The following FGF12 variants were observed in gnomAD, a reference collection of about 807,000 sequenced individuals.
FGF12 encodes the protein fibroblast growth factor 12, also known as fibroblast growth factor 12B.
In FGF12, 14 loss-of-function variants were observed where a neutral mutation model predicts 23.6. The observed-to-expected ratio is 0.59, with a 90% CI of 0.39 to 0.93. The LOEUF (loss-of-function observed/expected upper bound fraction) is 0.93. FGF12 is among the 40% of genes least tolerant of loss of function. The pLI, the probability that FGF12 is intolerant of heterozygous loss-of-function variation, is 0.00. For synonymous variants in FGF12, 62 were observed against 77.3 expected, an observed-to-expected ratio of 0.80 and a Z score of 1.04; for missense variants, 175 against 217.8, an observed-to-expected ratio of 0.80 and a Z score of 1.24.
intron 2 of FGF12, among the ~76,000 whole-genome samples, chr3:192,450,032 G>A (rs988689731): frequency 6.6e-6 from 1 of 152,082 alleles, no homozygotes; most frequent in Admixed American, 6.5e-5. Context: ...ATTACTGTGA[G>A]GTTTCTGTCT....
intron 2 of FGF12, among the ~76,000 whole-genome samples, chr3:192,518,975 A>T (rs551113375): frequency 6.6e-6 from 1 of 151,362 alleles, no homozygotes; most frequent in Non-Finnish European, 1.5e-5. Context: ...CTTTTTTATC[A>T]TAAGTTTCCA....
rs1029815212 is a variant in FGF12 at position 192,151,222 on chromosome 3, A to C, written c.428-7095T>G. Among the ~76,000 whole-genome samples, 3 of 115,768 alleles carry C rather than the reference A, an allele frequency of 2.6e-5. 1 individual carries two copies. The highest frequency in any genetic ancestry group is 5.6e-5 in the Non-Finnish European group (3 of 53,172). The allele number at this position is 115,768 out of a possible 152,430, so 75.9% of individuals were successfully genotyped here. ...CAGCTTAAGGAGATTTTGGGCTGAGACAATGGGGTTTTCTAGACATACAAT... is the reference window on the plus strand; with the variant it reads ...CAGCTTAAGGAGATTTTGGGCTGAGCCAATGGGGTTTTCTAGACATACAAT... On this transcript the variant is annotated intron_variant, in intron 5 of 5. Transcript: ENST00000445105.
At chr3:192,714,068 T>C (rs1369761005) in intron 2 of FGF12, among the ~76,000 whole-genome samples, 1 of 152,124 alleles carries the variant, frequency 6.6e-6, no homozygotes, top group African/African-American at 2.4e-5. Context: ...CTACATTTTA[T>C]TGAATGCTTA....
At chr3:192,616,360 C>G (rs1714754489) in intron 2 of FGF12, among the ~76,000 whole-genome samples, 2 of 151,978 alleles carry the variant, frequency 1.3e-5, no homozygotes, top group African/African-American at 4.8e-5. Flanking sequence ...GCCTATGAAT[C>G]TAAGTTAGTT....
chr3:192,203,885 T>A (rs994154977), intron 4 of FGF12, among the ~76,000 whole-genome samples: 5 of 152,182 alleles, frequency 3.3e-5, no homozygotes, highest in Non-Finnish European at 7.3e-5. Context: ...ATTATAGGCA[T>A]GCATCACCAT....
chr3:192,639,886 C>T (rs1184314550), intron 2 of FGF12, among the ~76,000 whole-genome samples: 1 of 151,942 alleles, frequency 6.6e-6, no homozygotes, highest in Non-Finnish European at 1.5e-5. Flanking sequence ...AAGTGTTATT[C>T]AGCCTTAGAA....
rs1396299359 is a variant in FGF12, at chr3:192,141,127, C to CAAAAAAAAAAAAAAAAAA, written c.*2881_*2882insTTTTTTTTTTTTTTTTTT. 3.8e-3 allele frequency: 83 copies of CAAAAAAAAAAAAAAAAAA among 21,848 alleles called. 12 individuals are homozygous for CAAAAAAAAAAAAAAAAAA. The highest frequency in any genetic ancestry group is 4.8e-3 in the Non-Finnish European group (63 of 13,028). 1.4% of individuals were successfully genotyped at this position (21,848 alleles called of 1,614,324 possible). A position where few individuals can be genotyped will look rare whatever the true frequency, so the allele number is the denominator to read the frequency against. On this transcript the variant is annotated 3_prime_UTR_variant, in exon 6 of 6. Coordinates refer to ENST00000445105, the MANE Select transcript of FGF12 (RefSeq NM_004113.6). Reference sequence around the variant, plus strand: ...TCCTGGGAAAAATCCCAATGCAACTCCAAAAAAAAAAAAAAAAAAAAAAAA... The same window carrying CAAAAAAAAAAAAAAAAAA: ...TCCTGGGAAAAATCCCAATGCAACTCAAAAAAAAAAAAAAAAAACAAAAAAAAAAAAAAAAAAAAAAAA...
At chr3:192,424,055 T>A (rs1049618659) in intron 2 of FGF12, among the ~76,000 whole-genome samples, 2 of 151,078 alleles carry the variant, frequency 1.3e-5, no homozygotes, top group East Asian at 1.9e-4. Context: ...TAAATTTGTT[T>A]CACGTCAGAT....
intron 2 of FGF12, among the ~76,000 whole-genome samples, chr3:192,378,027 TTTCTTTCTTTC>T (rs1240660733): frequency 2.6e-4 from 2 of 7,584 alleles, no homozygotes; most frequent in Non-Finnish European, 4.2e-4. Context: ...GACTCTTTCT[TTTCTTTCTTTC>T]TTTCTTTCTT....
chr3:192,225,287 G>T (rs1306991722), intron 4 of FGF12, among the ~76,000 whole-genome samples: 1 of 151,964 alleles, frequency 6.6e-6, no homozygotes, highest in Non-Finnish European at 1.5e-5. Flanking sequence ...TCAATATTTT[G>T]CATATTTCTC....
At chr3:192,563,930 A>G (rs1322845428) in intron 2 of FGF12, among the ~76,000 whole-genome samples, 1 of 152,242 alleles carries the variant, frequency 6.6e-6, no homozygotes, top group Non-Finnish European at 1.5e-5. Flanking sequence ...GGTATGTGCT[A>G]TTATCAATGG....
rs998287733 is a variant in FGF12, at chr3:192,410,000, G to A, written c.14-49462C>T. ...GCTCTGGGCGCGCGGAGCCGCCGCC[G>A]CCCCTCCGGCTGGCTCAGCTGGAGT... On this transcript the variant is annotated intron_variant, in intron 2 of 5. Coordinates refer to ENST00000445105, the MANE Select transcript of FGF12 (RefSeq NM_004113.6). The surrounding 1 kb of genome is among the most constrained non-coding windows in gnomAD (Gnocchi z 4.8). Among the ~76,000 whole-genome samples, 1 of 152,024 alleles carries A rather than the reference G, an allele frequency of 6.6e-6. No individual in the cohort carries two copies. Among genetic ancestry groups the A allele is most frequent in the Non-Finnish European group, 1.5e-5 (1 of 67,954 alleles).
chr3:192,313,289 T>C (rs1440194697), intron 4 of FGF12, among the ~76,000 whole-genome samples: 3 of 152,146 alleles, frequency 2.0e-5, no homozygotes, highest in Non-Finnish European at 2.9e-5. Context: ...TGGTAAATGA[T>C]AGTGTAAATG....
intron 4 of FGF12, among the ~76,000 whole-genome samples, chr3:192,189,507 G>A (rs1716666921): frequency 6.6e-6 from 1 of 152,114 alleles, no homozygotes; most frequent in South Asian, 2.1e-4. Context: ...TATCCTCCCG[G>A]TACTTCAGAA....
intron 4 of FGF12, among the ~76,000 whole-genome samples, chr3:192,240,979 C>A (rs112485578): frequency 2.6e-5 from 4 of 152,142 alleles, no homozygotes; most frequent in African/African-American, 9.7e-5. Flanking sequence ...GATATCTACA[C>A]AGCAACATTT....
At chr3:192,254,097 A>G (rs1712217312) in intron 4 of FGF12, among the ~76,000 whole-genome samples, 1 of 151,832 alleles carries the variant, frequency 6.6e-6, no homozygotes, top group Non-Finnish European at 1.5e-5. Context: ...TATAGTCACC[A>G]CCTTGTACCA....
intron 4 of FGF12, among the ~76,000 whole-genome samples, chr3:192,260,913 A>T (rs1653434697): frequency 6.6e-6 from 1 of 152,138 alleles, no homozygotes; most frequent in Admixed American, 6.6e-5. Context: ...CTGTATTGAG[A>T]TAGGGCACAA....
chr3:192,621,690 CAAAAAAA>C (rs5855441), intron 2 of FGF12, among the ~76,000 whole-genome samples: 6 of 94,372 alleles, frequency 6.4e-5, no homozygotes, highest in African/African-American at 2.0e-4. Context: ...GATACAAATA[CAAAAAAA>C]AAAAAAAAAA....
chr3:192,607,263 C>T (rs745909639), intron 2 of FGF12, among the ~76,000 whole-genome samples: 1 of 152,074 alleles, frequency 6.6e-6, no homozygotes, highest in Non-Finnish European at 1.5e-5. Context: ...TCCAGGAAAC[C>T]CCATGTGTTC....
Sources: allele counts gnomAD v4.1 joint callset (sites outside exome capture counted in the v4.1 genomes callset), GRCh38; gene constraint gnomAD v4.1.1; non-coding constraint Gnocchi (gnomAD v3.1); transcripts MANE v1.5; gene names NCBI Gene and HGNC (gene_info 2026-07-23, HGNC 2026-07-21).